Variants in PTPRD observed in about 807,000 individuals in gnomAD.
The protein encoded by PTPRD is receptor-type tyrosine-protein phosphatase delta.
PTPRD carries 34 observed loss-of-function variants against 214.5 expected under a neutral mutation model. The ratio of observed to expected loss-of-function variants is 0.16; its 90% CI spans 0.12 to 0.21. PTPRD has a LOEUF of 0.21. PTPRD is among the 10% of genes least tolerant of loss of function. The pLI, the probability that PTPRD is intolerant of heterozygous loss-of-function variation, is 1.00. For synonymous variants in PTPRD, 1,128 were observed against 845.7 expected (o/e 1.33, Z -5.79); for missense variants, 2,545 against 2,398.7 (o/e 1.06, Z -1.27).
chr9:9,194,498 CTGTG>C (rs2099937080), intron 9 of PTPRD, among the ~76,000 whole-genome samples: 1 of 152,118 alleles, frequency 6.6e-6, no homozygotes, highest in South Asian at 2.1e-4. Context: ...GCTACAATGG[CTGTG>C]ATGTCACTGG....
At chr9:8,711,976 A>C (rs151114343) in intron 12 of PTPRD, among the ~76,000 whole-genome samples, 1 of 152,364 alleles carries the variant, frequency 6.6e-6, no homozygotes, top group East Asian at 1.9e-4. Context: ...CGGCAGTGTG[A>C]GGGAAATTCT....
At chr9:10,119,601 T>A (rs1047907697) in intron 3 of PTPRD, among the ~76,000 whole-genome samples, 11 of 152,028 alleles carry the variant, frequency 7.2e-5, no homozygotes, top group African/African-American at 2.7e-4. Context: ...AGTCATTCAT[T>A]ATTGAGGGAA....
chr9:10,345,331 T>G (rs140638514), intron 2 of PTPRD, among the ~76,000 whole-genome samples: 12 of 152,152 alleles, frequency 7.9e-5, no homozygotes, highest in Admixed American at 7.9e-4. Context: ...GTTTGTTACA[T>G]AGGTATACAC....
chr9:8,808,628 G>C (rs1371484324), intron 11 of PTPRD, among the ~76,000 whole-genome samples: 3 of 151,972 alleles, frequency 2.0e-5, no homozygotes, highest in Admixed American at 6.6e-5. Flanking sequence ...AAGTAAAGCA[G>C]TAGACTCAAT....
intron 2 of PTPRD, among the ~76,000 whole-genome samples, chr9:10,450,518 G>C (rs1417550101): frequency 1.3e-5 from 2 of 151,992 alleles, no homozygotes; most frequent in African/African-American, 2.4e-5. Context: ...AGAATTTATA[G>C]TCCCTAATCT....
intron 2 of PTPRD, among the ~76,000 whole-genome samples, chr9:10,479,715 C>G (rs1402321451): frequency 6.7e-6 from 1 of 148,886 alleles, no homozygotes; most frequent in Non-Finnish European, 1.5e-5. Flanking sequence ...GTCCCAGCTA[C>G]TTGGGAGGCT....
Position 9,642,879 on chromosome 9 carries a change from T to C in PTPRD, c.-286-68098A>G, listed in dbSNP as rs186088244. Among the ~76,000 whole-genome samples the C allele has an allele frequency of 3.9e-4, 60 of 152,350 alleles. 1 individual carries two copies. The East Asian group carries it at 0.011, about 29-fold the overall frequency. On this transcript the variant is annotated intron_variant, in intron 7 of 45. Transcript: ENST00000381196. ...AACATATTTAGGGTCCCACAGCTAGTATGTTGCAAAAACAGAGCTGTGATT... is the reference window on the plus strand; with the variant it reads ...AACATATTTAGGGTCCCACAGCTAGCATGTTGCAAAAACAGAGCTGTGATT...
At chr9:9,352,319 ATATATATATG>A (rs1170014984) in intron 9 of PTPRD, among the ~76,000 whole-genome samples, 3 of 90,290 alleles carry the variant, frequency 3.3e-5, no homozygotes, top group Non-Finnish European at 6.1e-5. Flanking sequence ...CCATATATAT[ATATATATATG>A]TGTGTGTGTG....
intron 3 of PTPRD, among the ~76,000 whole-genome samples, chr9:10,045,770 C>T (rs1160363637): frequency 1.3e-5 from 2 of 151,586 alleles, no homozygotes; most frequent in South Asian, 2.1e-4. Context: ...ACAAAGCAAA[C>T]GTTTGCTACA....
At chr9:8,556,096 C>G (rs2083664564) in intron 14 of PTPRD, among the ~76,000 whole-genome samples, 1 of 152,208 alleles carries the variant, frequency 6.6e-6, no homozygotes. Flanking sequence ...GCAAGAATTT[C>G]AAGCTCTCTC....
At chr9:9,100,073 T>C (rs1474671757) in intron 10 of PTPRD, among the ~76,000 whole-genome samples, 1 of 152,162 alleles carries the variant, frequency 6.6e-6, no homozygotes, top group Non-Finnish European at 1.5e-5. Flanking sequence ...TGATTATAAT[T>C]AAAAGAATAT....
chr9:8,707,062 CTAAT>C (rs537148243), intron 12 of PTPRD, among the ~76,000 whole-genome samples: 4 of 152,284 alleles, frequency 2.6e-5, no homozygotes, highest in African/African-American at 9.6e-5. Flanking sequence ...ATTACCTAGA[CTAAT>C]TAAGATAATG....
chr9:10,081,511 G>A (rs1300294891), intron 3 of PTPRD, among the ~76,000 whole-genome samples: 1 of 152,000 alleles, frequency 6.6e-6, no homozygotes, highest in Non-Finnish European at 1.5e-5. Flanking sequence ...GACCTTCACA[G>A]TTCTCTTGCT....
intron 20 of PTPRD, 150 bp from the exon 21 acceptor site, chr9:8,518,579 G>A: frequency 1.6e-6 from 1 of 614,528 alleles, no homozygotes; most frequent in Non-Finnish European, 2.7e-6. Flanking sequence ...TTTCTGAATG[G>A]CCAAGAAGGA....
At chr9:9,243,145 G>A (rs562932394) in intron 9 of PTPRD, among the ~76,000 whole-genome samples, 2 of 152,182 alleles carry the variant, frequency 1.3e-5, no homozygotes, top group South Asian at 4.1e-4. Context: ...AGCGGAGGCT[G>A]CAGAACAGCA....
intron 9 of PTPRD, among the ~76,000 whole-genome samples, chr9:9,308,722 G>A (rs1409747504): frequency 6.6e-6 from 1 of 152,022 alleles, no homozygotes; most frequent in Non-Finnish European, 1.5e-5. Context: ...ACTTATTTTT[G>A]GAAAGAGTTA....
chr9:9,273,777 T>C (rs576659797), intron 9 of PTPRD, among the ~76,000 whole-genome samples: 154 of 151,278 alleles, frequency 1.0e-3, no homozygotes, highest in Admixed American at 2.0e-3. Flanking sequence ...AAGTAAGAGA[T>C]TATAATGAGG....
intron 3 of PTPRD, among the ~76,000 whole-genome samples, chr9:10,242,965 C>T (rs577986303): frequency 1.3e-5 from 2 of 151,204 alleles, no homozygotes; most frequent in South Asian, 2.1e-4. Context: ...GAGCCAAAGA[C>T]AAAGATATGG....
At chr9:8,354,221 G>A in intron 39 of PTPRD, among the ~76,000 whole-genome samples, 1 of 151,350 alleles carries the variant, frequency 6.6e-6, no homozygotes, top group Non-Finnish European at 1.5e-5. Flanking sequence ...TAATTATAAG[G>A]TGCTAGAATC....
Sources: gnomAD v4.1 joint callset for allele counts (sites outside exome capture counted in the v4.1 genomes callset) on GRCh38, gnomAD v4.1.1 for gene constraint, MANE v1.5 for transcripts, NCBI Gene and HGNC (gene_info 2026-07-23, HGNC 2026-07-21) for gene names.